The following SLC16A7 variants were observed in gnomAD, a reference collection of about 807,000 sequenced individuals.
The protein encoded by SLC16A7 is monocarboxylate transporter 2.
Under a neutral mutation model 34.9 loss-of-function variants are expected in SLC16A7, and 33 were observed. The ratio of observed to expected loss-of-function variants is 0.94; its 90% CI spans 0.72 to 1.26. SLC16A7 has a LOEUF of 1.26. Ranked by LOEUF, SLC16A7 falls within the 50% of genes most tolerant of loss-of-function variation. The probability of loss-of-function intolerance (pLI) is 0.00; values close to 1 mark genes in which losing one functional copy is unlikely to be tolerated. For synonymous variants in SLC16A7, 201 were observed against 206.6 expected (o/e 0.97, Z 0.23); for missense variants, 573 against 578.1 (o/e 0.99, Z 0.09).
chr12:59,651,355 A>G (rs1868339470), intron 1 of SLC16A7, among the ~76,000 whole-genome samples: 1 of 152,108 alleles, frequency 6.6e-6, no homozygotes, highest in South Asian at 2.1e-4. Context: ...GTATATGATG[A>G]TGTAGGCCAT....
chr12:59,658,082 C>T (rs558847176), intron 2 of SLC16A7, among the ~76,000 whole-genome samples: 1 of 152,046 alleles, frequency 6.6e-6, no homozygotes, highest in South Asian at 2.1e-4. Flanking sequence ...GGGATACCAT[C>T]CCTTTAAATT....
At chr12:59,669,911 G>T (rs1290012157) in intron 2 of SLC16A7, among the ~76,000 whole-genome samples, 1 of 152,104 alleles carries the variant, frequency 6.6e-6, no homozygotes. Context: ...AGAATAATGT[G>T]AATTTATATA....
chr12:59,601,328 T>A (rs1878671887), intron 1 of SLC16A7, among the ~76,000 whole-genome samples: 1 of 152,236 alleles, frequency 6.6e-6, no homozygotes, highest in African/African-American at 2.4e-5. Context: ...ATATCTTTTT[T>A]AACTAGATTA....
chr12:59,672,902 G>A (rs1870006287), intron 2 of SLC16A7, among the ~76,000 whole-genome samples: 1 of 152,102 alleles, frequency 6.6e-6, no homozygotes, highest in African/African-American at 2.4e-5. Context: ...GGAAGGCTGT[G>A]CCATCTCTCT....
intron 1 of SLC16A7, among the ~76,000 whole-genome samples, chr12:59,627,197 A>G (rs1176347884): frequency 1.3e-5 from 2 of 151,908 alleles, no homozygotes; most frequent in East Asian, 3.9e-4. Context: ...GAGTTTATGC[A>G]CAATTGGTGA....
At chr12:59,637,177 G>A (rs1233622252) in intron 1 of SLC16A7, among the ~76,000 whole-genome samples, 1 of 151,986 alleles carries the variant, frequency 6.6e-6, no homozygotes, top group African/African-American at 2.4e-5. Flanking sequence ...CCCCTTTTGT[G>A]TGCACATTGA....
chr12:59,732,064 T>TTATA (rs71278297), intron 3 of SLC16A7, among the ~76,000 whole-genome samples: 2 of 151,710 alleles, frequency 1.3e-5, no homozygotes, highest in South Asian at 4.2e-4. Flanking sequence ...TGCATATATA[T>TTATA]TATATATATA....
At chr12:59,719,858 T>C (rs1875363346) in intron 3 of SLC16A7, 3 of 458,178 alleles carry the variant, frequency 6.5e-6, no homozygotes, top group Non-Finnish European at 7.6e-6. Context: ...CTCCATGGCC[T>C]CCCACGGAGT....
rs1445796360 is a variant in SLC16A7 at position 59,782,251 on chromosome 12, T to A, written c.*2572T>A. 6.6e-6 allele frequency: 1 copy of A among 152,212 alleles called. No homozygotes were observed. Among genetic ancestry groups the A allele is most frequent in the Non-Finnish European group, 1.5e-5 (1 of 68,030 alleles). The allele number at this position is 152,212 out of a possible 1,614,324, so 9.4% of individuals were successfully genotyped here. A position where few individuals can be genotyped will look rare whatever the true frequency, so the allele number is the denominator to read the frequency against. On this transcript the variant is annotated 3_prime_UTR_variant, in exon 6 of 6. Coordinates refer to ENST00000547379, the MANE Select transcript of SLC16A7 (RefSeq NM_001270623.2). ...CAATTGAAACAGTGACATAAATACC[T>A]ACAGGATTCAGAATTGTTCCAGGGT...
chr12:59,675,667 A>G (rs1227134472), intron 2 of SLC16A7, among the ~76,000 whole-genome samples: 2 of 152,204 alleles, frequency 1.3e-5, no homozygotes, highest in African/African-American at 4.8e-5. Flanking sequence ...GTAATCAACC[A>G]TAATTGTGCC....
intron 3 of SLC16A7, among the ~76,000 whole-genome samples, chr12:59,725,221 A>G (rs999006568): frequency 5.3e-5 from 8 of 152,116 alleles, no homozygotes; most frequent in Non-Finnish European, 1.0e-4. Flanking sequence ...TTTCAACTCC[A>G]TAGAACTTAA....
chr12:59,597,612 G>A (rs1207303833), intron 1 of SLC16A7, among the ~76,000 whole-genome samples: 1 of 152,102 alleles, frequency 6.6e-6, no homozygotes, highest in Non-Finnish European at 1.5e-5. Context: ...AATGAGAGTT[G>A]GGTGGGGACA....
intron 1 of SLC16A7, among the ~76,000 whole-genome samples, chr12:59,646,317 A>T (rs115004720): frequency 0.018 from 2,681 of 152,218 alleles, 77 homozygotes; most frequent in African/African-American, 0.061. Flanking sequence ...TCAAGACTGG[A>T]TGCTTTGTGT....
chr12:59,677,002 A>G (rs905555359), intron 2 of SLC16A7, among the ~76,000 whole-genome samples: 1 of 152,196 alleles, frequency 6.6e-6, no homozygotes, highest in East Asian at 1.9e-4. Context: ...ACCCTGTTCC[A>G]TACAGAGACA....
chr12:59,650,612 A>G (rs916883538), intron 1 of SLC16A7, among the ~76,000 whole-genome samples: 10 of 152,184 alleles, frequency 6.6e-5, no homozygotes, highest in African/African-American at 2.2e-4. Context: ...GGTCATACTT[A>G]TACTGAACAA....
At chr12:59,704,583 A>C (rs989970169) in intron 2 of SLC16A7, among the ~76,000 whole-genome samples, 189 bp from the exon 3 acceptor site, 2 of 152,214 alleles carry the variant, frequency 1.3e-5, no homozygotes, top group African/African-American at 4.8e-5. Context: ...CACAATAATC[A>C]AAGGTATATA....
intron 1 of SLC16A7, among the ~76,000 whole-genome samples, chr12:59,629,845 G>T (rs1175384844): frequency 6.6e-6 from 1 of 151,762 alleles, no homozygotes; most frequent in African/African-American, 2.4e-5. Context: ...GACTCCAGCT[G>T]GAAGAATCTG....
chr12:59,771,178 C>T, intron 3 of SLC16A7, 41 bp from the exon 4 acceptor site: 1 of 1,559,088 alleles, frequency 6.4e-7, no homozygotes, highest in Non-Finnish European at 8.7e-7. Context: ...AAATAAATGA[C>T]AAGAGCAACT....
intron 2 of SLC16A7, among the ~76,000 whole-genome samples, chr12:59,662,937 T>C (rs895781218): frequency 1.3e-5 from 2 of 152,132 alleles, no homozygotes; most frequent in Non-Finnish European, 2.9e-5. Context: ...AGATGAATTC[T>C]ACATTTAGAA....
Sources: allele counts gnomAD v4.1 joint callset (sites outside exome capture counted in the v4.1 genomes callset), GRCh38; gene constraint gnomAD v4.1.1; transcripts MANE v1.5; gene names NCBI Gene and HGNC (gene_info 2026-07-23, HGNC 2026-07-21).